Variants in PRDM2 observed in about 807,000 individuals in gnomAD.
The protein encoded by PRDM2 is PR domain zinc finger protein 2.
In PRDM2, 30 loss-of-function variants were observed where a neutral mutation model predicts 130.0. That is an observed-to-expected ratio of 0.23 (90% CI 0.17 to 0.31). PRDM2 has a LOEUF of 0.31. PRDM2 is among the 10% of genes least tolerant of loss of function. PRDM2 has a pLI of 1.00. For missense variants in PRDM2, 2,011 were observed against 2,108.4 expected, an observed-to-expected ratio of 0.95 and a Z score of 0.90; for synonymous variants, 871 against 782.4, an observed-to-expected ratio of 1.11 and a Z score of -1.89.
chr1:13,773,345 C>T, intron 7 of PRDM2, 157 bp downstream of exon 7: 1 of 426,348 alleles, frequency 2.3e-6, no homozygotes, highest in Non-Finnish European at 4.3e-6. Context: ...TAAGCTGAGC[C>T]TTCTATATGC....
intron 1 of PRDM2, among the ~76,000 whole-genome samples, chr1:13,711,055 A>G (rs1201921692): frequency 6.7e-6 from 1 of 149,264 alleles, no homozygotes; most frequent in East Asian, 2.0e-4. Context: ...ACTGCACTCC[A>G]GCCTGGGCGA....
At chr1:13,719,084 A>T (rs1642641726) in intron 2 of PRDM2, among the ~76,000 whole-genome samples, 1 of 152,180 alleles carries the variant, frequency 6.6e-6, no homozygotes, top group Non-Finnish European at 1.5e-5. Flanking sequence ...AGGTAATTTC[A>T]GATAGTGAAA....
In PRDM2 at chr1:13,700,234, G is replaced by A. The variant is rs1371400292; in HGVS notation, c.-132G>A. On this transcript the variant is annotated 5_prime_UTR_variant, in exon 1 of 10. Coordinates refer to ENST00000311066, the MANE Select transcript of PRDM2 (RefSeq NM_001393986.1). ...GGCGGCGGCGCGGCCGCGGGCGCCGGGGCCGGCGAAACAGCGGCGGCGGCG... is the reference window on the plus strand; with the variant it reads ...GGCGGCGGCGCGGCCGCGGGCGCCGAGGCCGGCGAAACAGCGGCGGCGGCG... 2.6e-5 allele frequency: 4 copies of A among 152,396 alleles called. No individual in the cohort carries two copies. The highest frequency in any genetic ancestry group is 7.3e-5 in the African/African-American group (3 of 41,224). 9.4% of individuals were successfully genotyped at this position (152,396 alleles called of 1,614,324 possible). A position where few individuals can be genotyped will look rare whatever the true frequency, so the allele number is the denominator to read the frequency against.
In PRDM2 at chr1:13,773,214, T is replaced by C. The variant is rs541893846; in HGVS notation, c.622+26T>C. On this transcript the variant is annotated intron_variant, in intron 7 of 9. Coordinates refer to ENST00000311066, the MANE Select transcript of PRDM2 (RefSeq NM_001393986.1). ...GTAAGCTTGTGATATTGGCTTGGTCTGAATTGGGTGTGTATGTACCCAGTG... is the reference window on the plus strand; with the variant it reads ...GTAAGCTTGTGATATTGGCTTGGTCCGAATTGGGTGTGTATGTACCCAGTG... 5.7e-5 allele frequency: 79 copies of C among 1,394,752 alleles called. No homozygotes were observed. In the Admixed American group the frequency reaches 7.7e-4, roughly 14 times the overall value. The allele number at this position is 1,394,752 out of a possible 1,614,324, so 86.4% of individuals were successfully genotyped here.
At chr1:13,814,241 A>G (rs945261313) in intron 8 of PRDM2, among the ~76,000 whole-genome samples, 11 of 152,174 alleles carry the variant, frequency 7.2e-5, no homozygotes, top group African/African-American at 2.7e-4. Flanking sequence ...GTGGCCCGTC[A>G]GGAGCACAGT....
chr1:13,790,041 C>T (rs1188926512), intron 8 of PRDM2, among the ~76,000 whole-genome samples: 1 of 151,708 alleles, frequency 6.6e-6, no homozygotes, highest in African/African-American at 2.4e-5. Context: ...AACGGGGAGC[C>T]ACAAGCCCTG....
At position 13,715,567 on chromosome 1, in the gene PRDM2, T is replaced by C; in HGVS notation, c.-39T>C. 1 of 1,541,104 alleles carries C rather than the reference T, an allele frequency of 6.5e-7. No individual in the cohort carries two copies. Among genetic ancestry groups the C allele is most frequent in the Non-Finnish European group, 8.7e-7 (1 of 1,146,892 alleles). ...GTTCATGTAATCAAAGAAGTTTCTT[T>C]GTTGTGTGTATCTTTACAGAACACA... is the stretch of plus-strand genomic sequence containing the variant. On this transcript the variant is annotated 5_prime_UTR_variant, in exon 2 of 10. Transcript: ENST00000311066.
chr1:13,782,853 A>G, intron 8 of PRDM2, 22 bp downstream of exon 8: 1 of 1,597,710 alleles, frequency 6.3e-7, no homozygotes, highest in East Asian at 2.3e-5. Context: ...AGCTGGTGGG[A>G]GGGAAAGACC....
At chr1:13,763,594 A>G (rs2100594433) in intron 6 of PRDM2, among the ~76,000 whole-genome samples, 1 of 152,340 alleles carries the variant, frequency 6.6e-6, no homozygotes, top group South Asian at 2.1e-4. Context: ...TACAAAGTAG[A>G]GGCTTTTTCC....
chr1:13,786,271 T>A (rs1255705501), intron 8 of PRDM2, among the ~76,000 whole-genome samples: 3 of 150,480 alleles, frequency 2.0e-5, no homozygotes, highest in East Asian at 3.9e-4. Flanking sequence ...GGAATTGATT[T>A]AAAAAAAAAA....
chr1:13,801,201 AG>A (rs1334503480), intron 8 of PRDM2, among the ~76,000 whole-genome samples: 1 of 152,198 alleles, frequency 6.6e-6, no homozygotes, highest in East Asian at 1.9e-4. Flanking sequence ...GGTTCAGGCC[AG>A]GGCCCTTCTG....
chr1:13,764,098 T>G (rs1167493482), intron 6 of PRDM2, among the ~76,000 whole-genome samples: 2 of 152,192 alleles, frequency 1.3e-5, no homozygotes, highest in Non-Finnish European at 2.9e-5. Context: ...TGTCATGGGC[T>G]TTAAAGGGGG....
Position 13,806,594 on chromosome 1 carries a change from C to A in PRDM2, c.5037-9833C>A, listed in dbSNP as rs374711549. ...TCCATCCCCACATCCAGCTCATCAG[C>A]AGATCCCCAAACTCACCCGGAATCC... On this transcript the variant is annotated intron_variant, in intron 8 of 9. Transcript: ENST00000311066. This position sits in a 1 kb window ranked among gnomAD's most constrained non-coding sequence, Gnocchi z 4.1. 6.6e-6 allele frequency among the ~76,000 whole-genome samples: 1 copy of A among 152,188 alleles called. No homozygotes were observed. The highest frequency in any genetic ancestry group is 2.4e-5 in the African/African-American group (1 of 41,440).
At chr1:13,757,451 C>T (rs975808706) in intron 6 of PRDM2, among the ~76,000 whole-genome samples, 1 of 152,216 alleles carries the variant, frequency 6.6e-6, no homozygotes, top group Non-Finnish European at 1.5e-5. Context: ...GATTATAGAG[C>T]TCTTTCATTT....
chr1:13,723,421 G>T (rs1642798849), intron 2 of PRDM2, among the ~76,000 whole-genome samples: 1 of 152,324 alleles, frequency 6.6e-6, no homozygotes. Context: ...GCTAATATGT[G>T]CAGGATGATT....
chr1:13,819,839 A>G (rs1645320209), intron 9 of PRDM2, among the ~76,000 whole-genome samples: 1 of 152,028 alleles, frequency 6.6e-6, no homozygotes, highest in South Asian at 2.1e-4. Flanking sequence ...CACTCATCTC[A>G]TCGTGAGCCC....
Position 13,780,595 on chromosome 1 carries a change from C to G in PRDM2, c.2800C>G (p.Pro934Ala), listed in dbSNP as rs199916070. The G allele has an allele frequency of 1.9e-6, 3 of 1,614,094 alleles. No homozygotes were observed. The highest frequency in any genetic ancestry group is 2.5e-6 in the Non-Finnish European group (3 of 1,180,020). ...TGACCTCGGTCCGGGCTCTGGTTTC[C>G]CTGCCCCTACTGTTGAGTCCACACC... Reference protein sequence around the residue: ...DPDLGPGSGFPAPTVESTPDV... With the variant: ...DPDLGPGSGFAAPTVESTPDV... The change falls in exon 8 of 10, where the codon CCT becomes GCT. Residue 934 changes from proline to alanine, a missense_variant. Pro to Ala is a conservative substitution (Grantham distance 27, BLOSUM62 -1). Transcript: ENST00000311066.
rs1231412082 is a variant in PRDM2 at position 13,806,025 on chromosome 1, C to T, written c.5037-10402C>T. On this transcript the variant is annotated intron_variant, in intron 8 of 9. Transcript: ENST00000311066. This position sits in a 1 kb window ranked among gnomAD's most constrained non-coding sequence, Gnocchi z 4.1. ...CTTCTCCCCTTCTCTCTTGAACTCA[C>T]TTTCAGGGTTTTGGCTCTTCTTGAG... Among the ~76,000 whole-genome samples the T allele has an allele frequency of 2.0e-5, 3 of 152,198 alleles. No individual in the cohort carries two copies. The highest frequency in any genetic ancestry group is 4.4e-5 in the Non-Finnish European group (3 of 68,030).
intron 9 of PRDM2, among the ~76,000 whole-genome samples, chr1:13,821,147 G>A (rs977631771): frequency 2.7e-5 from 4 of 149,436 alleles, no homozygotes; most frequent in East Asian, 2.0e-4. Context: ...TTCAATTCAC[G>A]CATCTGCGAA....
Sources: allele counts gnomAD v4.1 joint callset (sites outside exome capture counted in the v4.1 genomes callset), GRCh38; gene constraint gnomAD v4.1.1; non-coding constraint Gnocchi (gnomAD v3.1); transcripts MANE v1.5; gene names NCBI Gene and HGNC (gene_info 2026-07-23, HGNC 2026-07-21).